The following DCC variants were observed in gnomAD, a reference collection of about 807,000 sequenced individuals.
DCC encodes the protein DCC netrin 1 receptor, also known as netrin receptor DCC.
In DCC, 58 loss-of-function variants were observed where a neutral mutation model predicts 172.5. That is an observed-to-expected ratio of 0.34 (90% CI 0.27 to 0.42). The LOEUF (loss-of-function observed/expected upper bound fraction) is 0.42. Ranked by LOEUF, DCC falls within the 10% of genes least tolerant of loss-of-function variation. DCC has a pLI of 1.00. For missense variants in DCC, 1,740 were observed against 1,791.0 expected (o/e 0.97, Z 0.51); for synonymous variants, 709 against 644.5 (o/e 1.10, Z -1.52).
chr18:53,231,893 A>G (rs1282774113), intron 12 of DCC, among the ~76,000 whole-genome samples: 1 of 152,126 alleles, frequency 6.6e-6, no homozygotes, highest in Admixed American at 6.5e-5. Flanking sequence ...GTGCCAAAAG[A>G]CTGATAAAAG....
chr18:53,130,758 C>T (rs541409467), intron 7 of DCC, among the ~76,000 whole-genome samples: 2 of 152,196 alleles, frequency 1.3e-5, no homozygotes, highest in South Asian at 2.1e-4. Flanking sequence ...TAGGTTTGTG[C>T]TTTTTCAGCT....
chr18:53,019,057 T>G (rs185284936), intron 5 of DCC, among the ~76,000 whole-genome samples: 20 of 152,296 alleles, frequency 1.3e-4, no homozygotes, highest in Non-Finnish European at 2.1e-4. Flanking sequence ...GTAATGTACT[T>G]TAATCAGTGG....
intron 7 of DCC, among the ~76,000 whole-genome samples, chr18:53,104,305 A>G (rs1411467664): frequency 5.9e-5 from 9 of 152,092 alleles, no homozygotes; most frequent in African/African-American, 1.9e-4. Flanking sequence ...AGCCTGTAGG[A>G]GTGGAAGATA....
At chr18:53,065,957 T>G in intron 6 of DCC, 89 bp from the exon 7 acceptor site, 2 of 1,499,470 alleles carry the variant, frequency 1.3e-6, no homozygotes, top group Non-Finnish European at 1.9e-6. Flanking sequence ...CTGTGCTGTT[T>G]TATCAAACTT....
intron 12 of DCC, among the ~76,000 whole-genome samples, chr18:53,285,057 C>A (rs2056920128): frequency 6.6e-6 from 1 of 151,962 alleles, no homozygotes; most frequent in Non-Finnish European, 1.5e-5. Flanking sequence ...TTAAATTTTA[C>A]ATGGGAAACA....
At chr18:53,247,400 C>A (rs1335501838) in intron 12 of DCC, among the ~76,000 whole-genome samples, 3 of 152,050 alleles carry the variant, frequency 2.0e-5, no homozygotes, top group South Asian at 4.1e-4. Context: ...GTGGCTATTT[C>A]CAGGAAAATT....
chr18:53,264,476 C>CAG (rs1312523575), intron 12 of DCC, among the ~76,000 whole-genome samples: 1 of 46,286 alleles, frequency 2.2e-5, no homozygotes, highest in African/African-American at 6.7e-5. Flanking sequence ...AACTCCGTCT[C>CAG]AAAAAAAAAA....
chr18:53,230,638 A>T (rs2056106198), intron 12 of DCC, among the ~76,000 whole-genome samples: 1 of 152,038 alleles, frequency 6.6e-6, no homozygotes, highest in Non-Finnish European at 1.5e-5. Context: ...AGGTGTCTAA[A>T]TTGTAGTATA....
chr18:53,424,136 C>T (rs77695599), intron 21 of DCC, among the ~76,000 whole-genome samples: 1 of 152,184 alleles, frequency 6.6e-6, no homozygotes, highest in East Asian at 1.9e-4. Context: ...GCTACGACCT[C>T]CTGCACTCAT....
intron 7 of DCC, among the ~76,000 whole-genome samples, chr18:53,097,103 G>A (rs374829408): frequency 6.6e-5 from 10 of 152,136 alleles, no homozygotes; most frequent in African/African-American, 2.2e-4. Flanking sequence ...ACAAAAAGTT[G>A]TATTACTGTG....
intron 22 of DCC, among the ~76,000 whole-genome samples, chr18:53,449,676 T>C (rs2045382199): frequency 6.6e-6 from 1 of 152,198 alleles, no homozygotes; most frequent in African/African-American, 2.4e-5. Flanking sequence ...ATTCTTATGG[T>C]ACAAAGTAGC....
intron 1 of DCC, among the ~76,000 whole-genome samples, chr18:52,654,626 A>C (rs1396750832): frequency 6.6e-6 from 1 of 152,166 alleles, no homozygotes. Context: ...AGATTGGATT[A>C]AGGCTCACCC....
At chr18:52,971,033 C>G (rs2041022164) in intron 5 of DCC, among the ~76,000 whole-genome samples, 1 of 152,106 alleles carries the variant, frequency 6.6e-6, no homozygotes, top group Admixed American at 6.5e-5. Context: ...TGTTTATTCA[C>G]TGATTTTTCC....
intron 1 of DCC, among the ~76,000 whole-genome samples, chr18:52,380,958 T>C (rs1051615302): frequency 6.6e-6 from 1 of 152,134 alleles, no homozygotes; most frequent in Non-Finnish European, 1.5e-5. Context: ...TCTAAAGCTA[T>C]ATACCTGCCA....
chr18:53,484,961 G>A (rs974367982), intron 25 of DCC, among the ~76,000 whole-genome samples: 2 of 151,994 alleles, frequency 1.3e-5, no homozygotes, highest in African/African-American at 2.4e-5. Context: ...CAGAGATAGA[G>A]AATGAAACAG....
At chr18:52,394,269 T>G (rs8095375) in intron 1 of DCC, among the ~76,000 whole-genome samples, 75,913 of 151,594 alleles carry the variant, frequency 0.5, 19,734 homozygotes, top group Middle Eastern at 0.59. Flanking sequence ...GGATGATGAT[T>G]ATTATTATTA....
At chr18:52,419,840 T>C (rs191429262) in intron 1 of DCC, among the ~76,000 whole-genome samples, 179 of 152,304 alleles carry the variant, frequency 1.2e-3, no homozygotes, top group Non-Finnish European at 2.1e-3. Flanking sequence ...TATATGGGAA[T>C]TATATTAGTT....
At chr18:52,793,909 T>G (rs1162210675) in intron 2 of DCC, among the ~76,000 whole-genome samples, 3 of 152,204 alleles carry the variant, frequency 2.0e-5, no homozygotes, top group Non-Finnish European at 4.4e-5. Flanking sequence ...CTCCAAGGTA[T>G]TCTCTTTGTG....
At chr18:52,602,713 T>G (rs1238707288) in intron 1 of DCC, among the ~76,000 whole-genome samples, 1 of 152,000 alleles carries the variant, frequency 6.6e-6, no homozygotes, top group East Asian at 1.9e-4. Flanking sequence ...TGAAAAATAC[T>G]CTAGCAAACG....
Sources: allele counts gnomAD v4.1 joint callset (sites outside exome capture counted in the v4.1 genomes callset), GRCh38; gene constraint gnomAD v4.1.1; transcripts MANE v1.5; gene names NCBI Gene and HGNC (gene_info 2026-07-23, HGNC 2026-07-21).